Variants in SLC13A3 observed in about 807,000 individuals in gnomAD.
SLC13A3 encodes the protein Na(+)/dicarboxylate cotransporter 3.
SLC13A3 carries 40 observed loss-of-function variants against 59.0 expected under a neutral mutation model. The ratio of observed to expected loss-of-function variants is 0.68; its 90% CI spans 0.53 to 0.88. The LOEUF is 0.88. Ranked by LOEUF, SLC13A3 falls within the 40% of genes least tolerant of loss-of-function variation. The pLI is 0.00. For missense variants in SLC13A3, 699 were observed against 783.2 expected, an observed-to-expected ratio of 0.89 and a Z score of 1.28; for synonymous variants, 317 against 330.3, an observed-to-expected ratio of 0.96 and a Z score of 0.44.
At chr20:46,680,117 T>C (rs2063147113) in intron 1 of SLC13A3, among the ~76,000 whole-genome samples, 2 of 152,130 alleles carry the variant, frequency 1.3e-5, no homozygotes, top group South Asian at 4.1e-4. Flanking sequence ...TGATTTTCCT[T>C]CAGGTAGGAG....
intron 1 of SLC13A3, among the ~76,000 whole-genome samples, chr20:46,637,540 T>C (rs2062807281): frequency 1.3e-5 from 2 of 152,130 alleles, no homozygotes; most frequent in South Asian, 4.1e-4. Flanking sequence ...CCTCATCCCC[T>C]ATAATGCCCT....
intron 9 of SLC13A3, among the ~76,000 whole-genome samples, chr20:46,580,829 C>T (rs1261592510): frequency 6.6e-6 from 1 of 152,144 alleles, no homozygotes; most frequent in African/African-American, 2.4e-5. Context: ...ATAAGACACA[C>T]CCACCAGTAT....
chr20:46,583,963 G>A (rs1052245775), intron 8 of SLC13A3: 2 of 985,220 alleles, frequency 2.0e-6, no homozygotes, highest in African/African-American at 1.7e-5. Flanking sequence ...TCCGAGGGCC[G>A]CAGAATATTG....
intron 10 of SLC13A3, among the ~76,000 whole-genome samples, chr20:46,570,173 G>A (rs926932162): frequency 6.6e-6 from 1 of 152,170 alleles, no homozygotes; most frequent in African/African-American, 2.4e-5. Flanking sequence ...ATTTCTTTAA[G>A]CGATTGCAGT....
At chr20:46,654,701 T>C (rs2062972395), upstream of SLC13A3, among the ~76,000 whole-genome samples, 1 of 152,156 alleles carries the variant, frequency 6.6e-6, no homozygotes, top group African/African-American at 2.4e-5. Context: ...GGCTAATTTT[T>C]TGTATTTTTA....
chr20:46,648,732 C>T (rs1471295231), intron 1 of SLC13A3, among the ~76,000 whole-genome samples: 1 of 152,038 alleles, frequency 6.6e-6, no homozygotes, highest in Non-Finnish European at 1.5e-5. Flanking sequence ...TAGTGAAACC[C>T]CGTCTCTACT....
At chr20:46,585,212 C>A in intron 8 of SLC13A3, 2 of 979,960 alleles carry the variant, frequency 2.0e-6, no homozygotes, top group East Asian at 1.1e-4. Context: ...ATTTTACAGT[C>A]TTTTGTTATA....
In SLC13A3 at chr20:46,585,153, A is replaced by G. The variant is rs1180829970; in HGVS notation, c.1122-1484T>C. 7 of 984,828 alleles carry G rather than the reference A, an allele frequency of 7.1e-6. No individual in the cohort carries two copies. The East Asian group carries it at 7.9e-4, about 112-fold the overall frequency. The allele number at this position is 984,828 out of a possible 1,614,324, so 61.0% of individuals were successfully genotyped here. On this transcript the variant is annotated intron_variant, in intron 8 of 12. Transcript: ENST00000279027. ...GTCCAAGAAAATAAAATTAAAAAAA[A>G]AGAATGGAGTAAGTCCAAATGGCAA...
chr20:46,664,344 C>A (rs1424026117), intron 1 of SLC13A3, among the ~76,000 whole-genome samples: 1 of 152,140 alleles, frequency 6.6e-6, no homozygotes, highest in Non-Finnish European at 1.5e-5. Context: ...ATCTTGACAC[C>A]CAACAGCTTT....
At chr20:46,604,624 G>A (rs1260161861) in intron 3 of SLC13A3, among the ~76,000 whole-genome samples, 1 of 152,112 alleles carries the variant, frequency 6.6e-6, no homozygotes, top group Non-Finnish European at 1.5e-5. Flanking sequence ...GAGGGAACAG[G>A]ATTCCATGGT....
chr20:46,589,167 G>T lies in SLC13A3; in HGVS notation c.1009C>A (p.Pro337Thr). 6.2e-7 allele frequency: 1 copy of T among 1,614,000 alleles called. No homozygotes were observed. Among genetic ancestry groups the T allele is most frequent in the South Asian group, 1.1e-5 (1 of 91,074 alleles). The change falls in exon 7 of 13, where the codon CCC (proline) becomes ACC (threonine). Residue 337 changes from proline to threonine, a missense_variant. Coordinates refer to ENST00000279027, the MANE Select transcript of SLC13A3 (RefSeq NM_022829.6). The part of the protein sequence containing the change: ...VIREEYQNLG[P>T]IKFAEQAVFI... ...CCAAGGGCCCCCACATACTTGATGG[G>T]CCCCAGGTTCTGGTATTCTTCCCGA...
At chr20:46,607,895 G>C (rs2062451740) in intron 3 of SLC13A3, among the ~76,000 whole-genome samples, 1 of 152,156 alleles carries the variant, frequency 6.6e-6, no homozygotes, top group Admixed American at 6.5e-5. Flanking sequence ...GTCGATGCTT[G>C]CTCCGTCTCA....
At chr20:46,603,106 A>G (rs536498464) in intron 3 of SLC13A3, among the ~76,000 whole-genome samples, 27 of 151,812 alleles carry the variant, frequency 1.8e-4, no homozygotes, top group Non-Finnish European at 3.5e-4. Context: ...TGAACCCAGG[A>G]GGTGGAGGTT....
chr20:46,611,121 C>T (rs1418863740), intron 2 of SLC13A3, among the ~76,000 whole-genome samples: 1 of 152,078 alleles, frequency 6.6e-6, no homozygotes, highest in African/African-American at 2.4e-5. Context: ...AACTCTGAAT[C>T]CACCTGGAAT....
intron 8 of SLC13A3, chr20:46,584,149 G>A (rs2062168584): frequency 8.1e-6 from 8 of 985,182 alleles, no homozygotes; most frequent in Non-Finnish European, 9.6e-6. Context: ...AAACCTAACT[G>A]TCACGTTTCA....
In SLC13A3 at chr20:46,560,101, G is replaced by A. The variant is rs1281351397; in HGVS notation, c.1730C>T (p.Pro577Leu). 1.4e-5 allele frequency: 22 copies of A among 1,614,126 alleles called. No individual in the cohort carries two copies. Among genetic ancestry groups the A allele is most frequent in the Non-Finnish European group, 1.8e-5 (21 of 1,180,036 alleles). ...GACCGAGTACATATCAGCCCAGTCC[G>A]GGAAGGTGCCCAGCTGGAAGATGGT... ...AQTIFQLGTF[P>L]DWADMYSVNV... The change falls in exon 13 of 13, where the codon CCG (proline) becomes CTG (leucine). Residue 577 changes from proline to leucine, a missense_variant. Coordinates refer to ENST00000279027, the MANE Select transcript of SLC13A3 (RefSeq NM_022829.6).
intron 9 of SLC13A3, chr20:46,582,524 GC>G (rs2062149186): frequency 5.6e-6 from 3 of 532,954 alleles, no homozygotes; most frequent in Non-Finnish European, 2.4e-6. Context: ...GTTCACTGGA[GC>G]CCAAGAGTTC....
intron 1 of SLC13A3, among the ~76,000 whole-genome samples, chr20:46,636,435 C>A (rs1042789923): frequency 6.6e-6 from 1 of 152,206 alleles, no homozygotes; most frequent in Admixed American, 6.5e-5. Flanking sequence ...GTGGGTAGCA[C>A]CTGGCACACA....
intron 10 of SLC13A3, among the ~76,000 whole-genome samples, chr20:46,570,995 G>A (rs2062024119): frequency 6.6e-6 from 1 of 152,176 alleles, no homozygotes; most frequent in Non-Finnish European, 1.5e-5. Flanking sequence ...AGCATGGCTG[G>A]GGAGGCCTTA....
Sources: gnomAD v4.1 joint callset for allele counts (sites outside exome capture counted in the v4.1 genomes callset) on GRCh38, gnomAD v4.1.1 for gene constraint, MANE v1.5 for transcripts, NCBI Gene and HGNC (gene_info 2026-07-23, HGNC 2026-07-21) for gene names.